The following CPEB3 variants were observed in gnomAD, a reference collection of about 807,000 sequenced individuals.
CPEB3 encodes the protein cytoplasmic polyadenylation element binding protein 3.
Under a neutral mutation model 67.2 loss-of-function variants are expected in CPEB3, and 20 were observed. The observed-to-expected ratio is 0.30, with a 90% CI of 0.21 to 0.43. The LOEUF (loss-of-function observed/expected upper bound fraction) is 0.43, where lower values mean the gene tolerates loss of function less well. CPEB3 is among the 20% of genes least tolerant of loss of function. CPEB3 has a pLI of 1.00. For missense variants in CPEB3, 746 were observed against 968.6 expected, an observed-to-expected ratio of 0.77 and a Z score of 3.05; for synonymous variants, 376 against 393.1, an observed-to-expected ratio of 0.96 and a Z score of 0.51.
intron 9 of CPEB3, among the ~76,000 whole-genome samples, chr10:92,076,611 C>T (rs953062585): frequency 1.5e-4 from 22 of 149,286 alleles, no homozygotes; most frequent in African/African-American, 4.2e-4. Flanking sequence ...ATGGGGTCTC[C>T]GTATGTTGCC....
At chr10:92,099,438 C>T (rs1358711872) in intron 7 of CPEB3, among the ~76,000 whole-genome samples, 1 of 152,066 alleles carries the variant, frequency 6.6e-6, no homozygotes, top group Non-Finnish European at 1.5e-5. Flanking sequence ...AGGCATGAGC[C>T]ACCGTGCCTG....
At chr10:92,228,719 T>TACA (rs1245103318) in intron 2 of CPEB3, among the ~76,000 whole-genome samples, 4 of 124,738 alleles carry the variant, frequency 3.2e-5, no homozygotes, top group African/African-American at 2.0e-4. Flanking sequence ...TATATATACA[T>TACA]TTTTTTTTTT....
At chr10:92,061,185 A>AG (rs1316444448) in intron 9 of CPEB3, among the ~76,000 whole-genome samples, 6 of 152,132 alleles carry the variant, frequency 3.9e-5, no homozygotes, top group African/African-American at 1.4e-4. Flanking sequence ...TTGGGAGGCC[A>AG]GGGCAAGTGG....
chr10:92,279,973 T>C (rs1842185902), intron 1 of CPEB3, among the ~76,000 whole-genome samples: 1 of 151,996 alleles, frequency 6.6e-6, no homozygotes, highest in East Asian at 1.9e-4. Flanking sequence ...ATCATGCCAC[T>C]GCACTCCAAC....
intron 9 of CPEB3, among the ~76,000 whole-genome samples, chr10:92,073,388 T>C (rs1842825230): frequency 1.3e-5 from 2 of 151,984 alleles, no homozygotes; most frequent in Non-Finnish European, 1.5e-5. Context: ...GCACAGTGAC[T>C]CATGCCTATA....
At chr10:92,156,850 G>A (rs2133921933) in intron 4 of CPEB3, among the ~76,000 whole-genome samples, 1 of 152,268 alleles carries the variant, frequency 6.6e-6, no homozygotes, top group African/African-American at 2.4e-5. Flanking sequence ...GCTTCTGCCA[G>A]TAGTCACTCA....
intron 9 of CPEB3, among the ~76,000 whole-genome samples, chr10:92,079,420 A>G (rs1843056031): frequency 6.6e-6 from 1 of 152,218 alleles, no homozygotes; most frequent in African/African-American, 2.4e-5. Flanking sequence ...TGCTATGGAT[A>G]CTTAAAAATG....
At position 92,047,899 on chromosome 10, in the gene CPEB3, G is replaced by A. The variant is rs544799342; in HGVS notation, c.*4313C>T. 4.6e-5 allele frequency: 7 copies of A among 152,366 alleles called. No individual in the cohort carries two copies. The highest frequency in any genetic ancestry group is 1.9e-4 in the East Asian group (1 of 5,188). 9.4% of individuals were successfully genotyped at this position (152,366 alleles called of 1,614,324 possible). A position where few individuals can be genotyped will look rare whatever the true frequency, so the allele number is the denominator to read the frequency against. Reference sequence around the variant, plus strand: ...TCAAGTCATTGGCTGTTCTGTTTACGCAACACCAGTTTTGCAGTTGTAGTT... The same window carrying A: ...TCAAGTCATTGGCTGTTCTGTTTACACAACACCAGTTTTGCAGTTGTAGTT... On this transcript the variant is annotated 3_prime_UTR_variant, in exon 10 of 10. Transcript: ENST00000265997.
chr10:92,092,947 G>C (rs1156805143), intron 7 of CPEB3, among the ~76,000 whole-genome samples: 1 of 152,128 alleles, frequency 6.6e-6, no homozygotes, highest in Admixed American at 6.5e-5. Flanking sequence ...CTGGGACTCT[G>C]ACTTAGTGCC....
intron 8 of CPEB3, among the ~76,000 whole-genome samples, chr10:92,085,225 G>A (rs962386704): frequency 3.9e-5 from 6 of 152,190 alleles, no homozygotes; most frequent in African/African-American, 1.2e-4. Context: ...CGAGGAAGTC[G>A]AGACTTTCCA....
At chr10:92,117,991 G>A (rs372906737) in intron 6 of CPEB3, among the ~76,000 whole-genome samples, 9 of 152,088 alleles carry the variant, frequency 5.9e-5, no homozygotes, top group African/African-American at 2.2e-4. Flanking sequence ...AATGAAATCT[G>A]GAATTAAACC....
intron 6 of CPEB3, among the ~76,000 whole-genome samples, chr10:92,129,125 C>T (rs1286089316): frequency 2.0e-5 from 3 of 152,114 alleles, no homozygotes; most frequent in African/African-American, 7.2e-5. Flanking sequence ...ATAAAGAAAA[C>T]GTGGTACATA....
rs1851765449 is a variant in CPEB3 at position 92,240,120 on chromosome 10, G to A, written c.231C>T (p.Leu77=). Reference sequence around the variant, plus strand: ...GCTGATGGAAACTCAAGCCTGGCAGGAGCGGTGATTCCATCTGCATCTTGT... The same window carrying A: ...GCTGATGGAAACTCAAGCCTGGCAGAAGCGGTGATTCCATCTGCATCTTGT... ...GPDKMQMESP[L]LPGLSFHQPP... The change falls in exon 2 of 10, where the codon CTC becomes CTT. Residue 77 remains leucine, a synonymous_variant. Coordinates refer to ENST00000265997, the MANE Select transcript of CPEB3 (RefSeq NM_014912.5). 1 of 1,575,372 alleles carries A rather than the reference G, an allele frequency of 6.3e-7. No homozygotes were observed. The highest frequency in any genetic ancestry group is 1.3e-5 in the African/African-American group (1 of 74,242).
chr10:92,143,193 T>A, intron 5 of CPEB3, 75 bp from the exon 6 acceptor site: 1 of 1,123,144 alleles, frequency 8.9e-7, no homozygotes. Context: ...GCACAAAACA[T>A]GTCTTTTTAG....
Position 92,181,005 on chromosome 10 carries a change from T to G in CPEB3, c.1180A>C (p.Asn394His). The change falls in exon 4 of 10, where the codon AAT becomes CAT. Residue 394 changes from asparagine (N) to histidine (H), a missense_variant. By Grantham distance (68) the Asn-to-His change is moderately conservative. Around this residue, in one of 2 missense-constraint regions of CPEB3, gnomAD observed 643 missense variants for 717.5 expected, o/e 0.90. Transcript: ENST00000265997. ...TTATCTGTTCCTGGATGATGGAAAT[T>G]TATCCCCATGCGTCCTAAAAAATAA... ...RNHFAGRMGI[N>H]FHHPGTDNIM... The G allele has an allele frequency of 6.6e-7, 1 of 1,516,698 alleles. No individual in the cohort carries two copies. The highest frequency in any genetic ancestry group is 9.2e-7 in the Non-Finnish European group (1 of 1,092,126). 94.0% of individuals were successfully genotyped at this position (1,516,698 alleles called of 1,614,324 possible). A position where few individuals can be genotyped will look rare whatever the true frequency, so the allele number is the denominator to read the frequency against.
chr10:92,132,731 A>G (rs1206129249), intron 6 of CPEB3, among the ~76,000 whole-genome samples: 1 of 152,198 alleles, frequency 6.6e-6, no homozygotes, highest in African/African-American at 2.4e-5. Context: ...TCAGCGCCAC[A>G]TCACACTCAT....
intron 4 of CPEB3, among the ~76,000 whole-genome samples, chr10:92,159,334 T>C (rs1400282382): frequency 6.6e-6 from 1 of 151,946 alleles, no homozygotes; most frequent in Non-Finnish European, 1.5e-5. Flanking sequence ...AAAAGGAAGA[T>C]AATTTGGAGT....
intron 7 of CPEB3, among the ~76,000 whole-genome samples, chr10:92,095,900 G>A (rs1268972927): frequency 2.6e-5 from 4 of 151,856 alleles, no homozygotes; most frequent in Admixed American, 6.6e-5. Flanking sequence ...TTTTGAGATG[G>A]AGTCTTGCTC....
chr10:92,212,288 A>G (rs1850135641), intron 2 of CPEB3, among the ~76,000 whole-genome samples: 1 of 148,350 alleles, frequency 6.7e-6, no homozygotes, highest in Non-Finnish European at 1.5e-5. Flanking sequence ...AAGACAGTGT[A>G]CAACAAGACA....
Sources: gnomAD v4.1 joint callset for allele counts (sites outside exome capture counted in the v4.1 genomes callset) on GRCh38, gnomAD v4.1.1 for gene constraint, gnomAD v4.1.1 regional missense constraint, MANE v1.5 for transcripts, NCBI Gene and HGNC (gene_info 2026-07-23, HGNC 2026-07-21) for gene names.